Variants in LTF observed in about 807,000 individuals in gnomAD.
LTF encodes lactotransferrin.
LTF carries 91 observed loss-of-function variants against 87.2 expected under a neutral mutation model. That is an observed-to-expected ratio of 1.04 (90% CI 0.88 to 1.24). LTF has a LOEUF of 1.24. LTF is among the 50% of genes most tolerant of loss of function. The pLI, the probability that LTF is intolerant of heterozygous loss-of-function variation, is 0.00. For synonymous variants in LTF, 378 were observed against 356.1 expected, an observed-to-expected ratio of 1.06 and a Z score of -0.69; for missense variants, 901 against 904.3, an observed-to-expected ratio of 1.00 and a Z score of 0.05.
chr3:46,456,241 G>T, intron 3 of LTF, 49 bp downstream of exon 3: 1 of 1,474,024 alleles, frequency 6.8e-7, no homozygotes. Context: ...CACAGCTCAG[G>T]GCACAGGCTG....
chr3:46,472,535 AGAG>A, intron 1 of LTF, among the ~76,000 whole-genome samples: 1 of 118,220 alleles, frequency 8.5e-6, no homozygotes, highest in East Asian at 3.0e-4. Context: ...TGTGAGAGAG[AGAG>A]AGAGAGAGAG....
intron 1 of LTF, among the ~76,000 whole-genome samples, chr3:46,461,315 A>C (rs1050663503): frequency 3.9e-5 from 6 of 152,234 alleles, no homozygotes; most frequent in Non-Finnish European, 7.3e-5. Flanking sequence ...TAGCCAGAAG[A>C]AATATTATAA....
rs1402389714 is a variant in LTF at position 46,472,527 on chromosome 3, T to TGTGA, written c.-319-2062_-319-2061insTCAC. Among the ~76,000 whole-genome samples, 289 of 130,808 alleles carry TGTGA rather than the reference T, an allele frequency of 2.2e-3. 2 individuals carry two copies. Among genetic ancestry groups the TGTGA allele is most frequent in the African/African-American group, 7.4e-3 (245 of 32,956 alleles). The allele number at this position is 130,808 out of a possible 152,430, so 85.8% of individuals were successfully genotyped here. On this transcript the variant is annotated intron_variant, in intron 1 of 19. Transcript: ENST00000443496. The stretch of plus-strand genomic sequence containing the variant: ...GTGTGTGTGTGTGTGTGTGTGTGTG[T>TGTGA]GAGAGAGAGAGAGAGAGAGAGAGAG...
At chr3:46,449,078 C>T (rs1234284356) in intron 8 of LTF, 61 bp from the exon 9 acceptor site, 3 of 1,511,062 alleles carry the variant, frequency 2.0e-6, no homozygotes, top group Non-Finnish European at 2.7e-6. Flanking sequence ...TGTCCAACCT[C>T]CCCAGAGCCA....
chr3:46,446,867 T>G (rs1702667819), intron 10 of LTF, among the ~76,000 whole-genome samples: 1 of 152,060 alleles, frequency 6.6e-6, no homozygotes. Context: ...TAACATGAAG[T>G]TTAAAACATA....
At position 46,455,817 on chromosome 3, in the gene LTF, G is replaced by A. The variant is rs1559602610; in HGVS notation, c.478C>T (p.Pro160Ser). ...TLRPFLNWTG[P>S]PEPIEAAVAR... is the part of the protein sequence containing the mutation. The stretch of plus-strand genomic sequence containing the variant: ...TTACCTGCCTCAATGGGCTCAGGTG[G>A]ACCCGTCCAATTCAAGAATGGACGA... The change falls in exon 4 of 17, where the codon CCA becomes TCA. Residue 160 changes from proline to serine, a missense_variant. Transcript: ENST00000231751. 6.3e-7 allele frequency: 1 copy of A among 1,586,636 alleles called. No homozygotes were observed. Among genetic ancestry groups the A allele is most frequent in the Non-Finnish European group, 8.6e-7 (1 of 1,166,566 alleles).
intron 5 of LTF, among the ~76,000 whole-genome samples, chr3:46,454,693 G>A (rs1192555342): frequency 6.6e-6 from 1 of 152,238 alleles, no homozygotes; most frequent in East Asian, 1.9e-4. Context: ...AGGACTGAGT[G>A]TGCAGGTGTG....
upstream of LTF, among the ~76,000 whole-genome samples, chr3:46,465,737 T>G (rs1703199103): frequency 6.6e-6 from 1 of 152,250 alleles, no homozygotes; most frequent in Non-Finnish European, 1.5e-5. Flanking sequence ...GCTAGAATAC[T>G]GCTTCTAAGA....
At chr3:46,461,561 A>G (rs1703081654) in intron 1 of LTF, among the ~76,000 whole-genome samples, 1 of 152,240 alleles carries the variant, frequency 6.6e-6, no homozygotes, top group Admixed American at 6.5e-5. Context: ...TTCCATTTGA[A>G]TGAAATGTCC....
intron 4 of LTF, 60 bp from the exon 5 acceptor site, chr3:46,455,502 C>T (rs1575317780): frequency 1.2e-6 from 2 of 1,602,894 alleles, no homozygotes; most frequent in African/African-American, 2.7e-5. Flanking sequence ...CAGCAGGTTA[C>T]ACCTCCCATC....
intron 1 of LTF, among the ~76,000 whole-genome samples, chr3:46,476,971 G>A (rs916503929): frequency 6.6e-6 from 1 of 152,206 alleles, no homozygotes; most frequent in Non-Finnish European, 1.5e-5. Context: ...CTAACTTGGG[G>A]TTATTACAAT....
At chr3:46,475,069 C>T (rs929134809) in intron 1 of LTF, among the ~76,000 whole-genome samples, 1 of 151,998 alleles carries the variant, frequency 6.6e-6, no homozygotes, top group Non-Finnish European at 1.5e-5. Context: ...TAAAATAAAC[C>T]TAAAGCAAGC....
intron 11 of LTF, among the ~76,000 whole-genome samples, chr3:46,446,145 C>T (rs1393584191): frequency 6.6e-6 from 1 of 152,144 alleles, no homozygotes; most frequent in African/African-American, 2.4e-5. Context: ...CACTTGGGGA[C>T]TCTCGGTGCC....
At chr3:46,455,587 A>G in intron 4 of LTF, 145 bp from the exon 5 acceptor site, 1 of 1,156,388 alleles carries the variant, frequency 8.6e-7, no homozygotes, top group Non-Finnish European at 1.2e-6. Context: ...GGAGCTCGAG[A>G]CATGCACCTC....
intron 2 of LTF, among the ~76,000 whole-genome samples, chr3:46,470,038 G>C (rs2106916191): frequency 6.6e-6 from 1 of 152,214 alleles, no homozygotes; most frequent in South Asian, 2.1e-4. Context: ...AGCCCTCCTG[G>C]GGCTGGCTTC....
rs1370629193 is a variant in LTF, at chr3:46,479,244, C to G, written c.-320+5742G>C. On this transcript the variant is annotated intron_variant, in intron 1 of 19. Transcript: ENST00000443496. ...GACCTGTGACAGGCAGGGAAAACCC[C>G]ATAGCCCCCTCTCTCCCACCCTGGC... 5.3e-5 allele frequency among the ~76,000 whole-genome samples: 8 copies of G among 152,324 alleles called. No individual in the cohort carries two copies. In the East Asian group the frequency reaches 1.2e-3, roughly 22 times the overall value.
intron 7 of LTF, 139 bp from the exon 8 acceptor site, chr3:46,450,167 G>T: frequency 2.8e-6 from 2 of 720,944 alleles, no homozygotes; most frequent in Non-Finnish European, 4.5e-6. Context: ...TCCTGCAGAG[G>T]GACTTGTGCC....
chr3:46,441,037 C>T (rs1702503592), intron 14 of LTF, among the ~76,000 whole-genome samples: 2 of 152,174 alleles, frequency 1.3e-5, no homozygotes, highest in Admixed American at 6.5e-5. Context: ...TATGTTCACC[C>T]AGTTTGTAGC....
intron 13 of LTF, among the ~76,000 whole-genome samples, chr3:46,442,562 C>T (rs1702549486): frequency 6.6e-6 from 1 of 150,594 alleles, no homozygotes; most frequent in Non-Finnish European, 1.5e-5. Flanking sequence ...TTCAGCATTT[C>T]TGAGTAGAAT....
Sources: allele counts gnomAD v4.1 joint callset (sites outside exome capture counted in the v4.1 genomes callset), GRCh38; gene constraint gnomAD v4.1.1; transcripts MANE v1.5; gene names NCBI Gene and HGNC (gene_info 2026-07-23, HGNC 2026-07-21).